CDK12: variants seen among roughly 807,000 people sequenced by gnomAD.
CDK12 encodes the protein cyclin-dependent kinase 12.
CDK12 carries 17 observed loss-of-function variants against 133.8 expected under a neutral mutation model. The ratio of observed to expected loss-of-function variants is 0.13; its 90% CI spans 0.09 to 0.19. CDK12 has a LOEUF of 0.19. CDK12 is among the 10% of genes least tolerant of loss of function. CDK12 has a pLI of 1.00. For synonymous variants in CDK12, 694 were observed against 683.6 expected, an observed-to-expected ratio of 1.02 and a Z score of -0.24; for missense variants, 1,508 against 1,818.7, an observed-to-expected ratio of 0.83 and a Z score of 3.11.
rs776197279 is a variant in CDK12, at chr17:39,531,637, C to G, written c.*321C>G. The G allele has an allele frequency of 1.4e-5, 4 of 279,238 alleles. No individual in the cohort carries two copies. The highest frequency in any genetic ancestry group is 2.7e-5 in the Non-Finnish European group (4 of 149,948). The allele number at this position is 279,238 out of a possible 1,614,324, so 17.3% of individuals were successfully genotyped here. On this transcript the variant is annotated 3_prime_UTR_variant, in exon 14 of 14. Coordinates refer to ENST00000447079, the MANE Select transcript of CDK12 (RefSeq NM_016507.4). ...TAGTTCATTGCCTGCACTTACTGAT[C>G]GGAAGAGAGAAAGAACAGTTTCAGT... is the stretch of plus-strand genomic sequence containing the variant.
At chr17:39,548,154 G>A (rs983427554), upstream of CDK12, among the ~76,000 whole-genome samples, 3 of 152,110 alleles carry the variant, frequency 2.0e-5, no homozygotes, top group African/African-American at 4.8e-5. Context: ...TTGGGGATGA[G>A]GGCACCCTTT....
chr17:39,513,662 C>T (rs72827115), intron 8 of CDK12, among the ~76,000 whole-genome samples: 1 of 152,104 alleles, frequency 6.6e-6, no homozygotes, highest in African/African-American at 2.4e-5. Flanking sequence ...TGTCTTCCCA[C>T]CAAAGGACTG....
At chr17:39,509,476 A>G (rs2053347406) in intron 6 of CDK12, among the ~76,000 whole-genome samples, 1 of 152,192 alleles carries the variant, frequency 6.6e-6, no homozygotes, top group Non-Finnish European at 1.5e-5. Context: ...TAATTGAAGT[A>G]GTCAAAAAAG....
intron 3 of CDK12, among the ~76,000 whole-genome samples, chr17:39,561,837 A>G (rs1223521591): frequency 6.6e-6 from 1 of 152,182 alleles, no homozygotes; most frequent in East Asian, 1.9e-4. Flanking sequence ...CCCATCAGGA[A>G]CAGCATATCT....
intron 1 of CDK12, among the ~76,000 whole-genome samples, chr17:39,466,755 CAT>C (rs1377547155): frequency 3.6e-5 from 5 of 138,552 alleles, no homozygotes; most frequent in African/African-American, 1.1e-4. Context: ...CAAATATAAA[CAT>C]ATAATATTCC....
chr17:39,497,985 T>G (rs1567734535), intron 5 of CDK12, among the ~76,000 whole-genome samples: 1 of 148,646 alleles, frequency 6.7e-6, no homozygotes, highest in African/African-American at 2.5e-5. Context: ...CCCTCTCTCT[T>G]TCTCTCTCTC....
In CDK12 at chr17:39,462,298, T is replaced by A. The variant is rs2049012565; in HGVS notation, c.227T>A (p.Ile76Asn). The A allele has an allele frequency of 1.2e-6, 2 of 1,613,996 alleles. No homozygotes were observed. The highest frequency in any genetic ancestry group is 1.7e-5 in the Admixed American group (1 of 59,980). Residue 76 changes from isoleucine to asparagine, a missense_variant, in exon 1 of 14, where the codon ATC (isoleucine) becomes AAC (asparagine). Ile to Asn is a moderately radical substitution (Grantham distance 149, BLOSUM62 -3). Around this residue, in one of 9 missense-constraint regions of CDK12, gnomAD observed 460 missense variants for 490.8 expected, o/e 0.94. Coordinates refer to ENST00000447079, the MANE Select transcript of CDK12 (RefSeq NM_016507.4). ...VIKPLVEYDD[I>N]SSDSDTFSDD... ...AAACCTTTGGTGGAGTATGATGATA[T>A]CAGCTCTGATTCCGACACCTTCTCC...
At position 39,532,748 on chromosome 17, in the gene CDK12, C is replaced by CA; in HGVS notation, c.*1433dup. 4.3e-6 allele frequency: 1 copy of CA among 232,916 alleles called. No homozygotes were observed. Among genetic ancestry groups the CA allele is most frequent in the Admixed American group, 5.6e-5 (1 of 17,780 alleles). The allele number at this position is 232,916 out of a possible 1,614,324, so 14.4% of individuals were successfully genotyped here. On this transcript the variant is annotated 3_prime_UTR_variant, in exon 14 of 14. Coordinates refer to ENST00000447079, the MANE Select transcript of CDK12 (RefSeq NM_016507.4). ...GGTAAAAGGGGTTAAATTGTGCTTC[C>CA]AGGCAAGAACTTTGCCTTATCATAA...
chr17:39,531,152 T>C lies in CDK12; in HGVS notation c.4309T>C (p.Leu1437=), dbSNP rs1367073885. The C allele has an allele frequency of 6.5e-7, 1 of 1,531,674 alleles. No homozygotes were observed. Among genetic ancestry groups the C allele is most frequent in the Non-Finnish European group, 8.8e-7 (1 of 1,141,006 alleles). 94.9% of individuals were successfully genotyped at this position (1,531,674 alleles called of 1,614,324 possible). Residue 1437 remains leucine, a synonymous_variant, in exon 14 of 14, where the codon TTG becomes CTG. Coordinates refer to ENST00000447079, the MANE Select transcript of CDK12 (RefSeq NM_016507.4). Reference sequence around the variant, plus strand: ...TTCTGTGGTACATGCAGAGACCAAATTGCAAAACTATGGGGAGCTGGGGCC... The same window carrying C: ...TTCTGTGGTACATGCAGAGACCAAACTGCAAAACTATGGGGAGCTGGGGCC... ...SNSVVHAETK[L]QNYGELGPGT...
chr17:39,559,525 C>T (rs940697024), intron 3 of CDK12, among the ~76,000 whole-genome samples: 17 of 152,186 alleles, frequency 1.1e-4, no homozygotes, highest in Non-Finnish European at 2.5e-4. Flanking sequence ...CTTGACACCA[C>T]TAATCTGTCT....
intron 8 of CDK12, among the ~76,000 whole-genome samples, chr17:39,514,528 G>C (rs1462029033): frequency 6.6e-6 from 1 of 151,926 alleles, no homozygotes; most frequent in African/African-American, 2.4e-5. Flanking sequence ...TAATCTTTGA[G>C]ATGTGGTCTT....
At chr17:39,474,593 G>A (rs2050038670) in intron 2 of CDK12, among the ~76,000 whole-genome samples, 1 of 152,066 alleles carries the variant, frequency 6.6e-6, no homozygotes, top group Admixed American at 6.6e-5. Flanking sequence ...GGGATTACAG[G>A]CATGAACCAC....
At chr17:39,521,213 A>C (rs1226359638) in intron 11 of CDK12, among the ~76,000 whole-genome samples, 3 of 151,726 alleles carry the variant, frequency 2.0e-5, no homozygotes, top group African/African-American at 7.3e-5. Flanking sequence ...ACTCCTGCCC[A>C]TCTTGGCCTC....
At chr17:39,470,460 G>A (rs530681522) in intron 1 of CDK12, among the ~76,000 whole-genome samples, 1 of 152,254 alleles carries the variant, frequency 6.6e-6, no homozygotes, top group South Asian at 2.1e-4. Context: ...TTTCTTTAGA[G>A]TAGTTTAAGA....
chr17:39,504,946 G>C (rs914017690), intron 6 of CDK12, among the ~76,000 whole-genome samples: 1 of 148,522 alleles, frequency 6.7e-6, no homozygotes, highest in Admixed American at 6.8e-5. Flanking sequence ...TTGAAGATTT[G>C]GGGGCCAGGC....
At chr17:39,476,653 T>G (rs1292325425) in intron 2 of CDK12, among the ~76,000 whole-genome samples, 1 of 149,230 alleles carries the variant, frequency 6.7e-6, no homozygotes, top group Non-Finnish European at 1.5e-5. Context: ...TCTCAGGTGA[T>G]CTACCTGCCT....
At chr17:39,499,956 A>G (rs991027448) in intron 5 of CDK12, among the ~76,000 whole-genome samples, 1 of 152,228 alleles carries the variant, frequency 6.6e-6, no homozygotes, top group Non-Finnish European at 1.5e-5. Context: ...TTACAAATAC[A>G]ACTTCATTTA....
Position 39,471,198 on chromosome 17 carries a change from T to A in CDK12, c.1366T>A (p.Ser456Thr). 6.3e-7 allele frequency: 1 copy of A among 1,581,786 alleles called. No homozygotes were observed. The highest frequency in any genetic ancestry group is 1.2e-5 in the South Asian group (1 of 85,282). ...ACCCAGAAGTGTAAAATTGGAAAAA[T>A]CTGCCCCAGATACTGAACTGGTGAA... is the stretch of plus-strand genomic sequence containing the variant. ...KLPRSVKLEK[S>T]APDTELVNVT... Residue 456 changes from serine (S) to threonine (T), a missense_variant, in exon 2 of 14, where the codon TCT becomes ACT. Physicochemically the swap from Ser to Thr is moderately conservative, Grantham distance 58. Coordinates refer to ENST00000447079, the MANE Select transcript of CDK12 (RefSeq NM_016507.4).
chr17:39,464,387 AT>A (rs1406247094), intron 1 of CDK12, among the ~76,000 whole-genome samples: 12 of 131,202 alleles, frequency 9.1e-5, no homozygotes, highest in South Asian at 6.0e-4. Flanking sequence ...TGCCTGGCTA[AT>A]TTTTTTTTTC....
Sources: gnomAD v4.1 joint callset for allele counts (sites outside exome capture counted in the v4.1 genomes callset) on GRCh38, gnomAD v4.1.1 for gene constraint, gnomAD v4.1.1 regional missense constraint, MANE v1.5 for transcripts, NCBI Gene and HGNC (gene_info 2026-07-23, HGNC 2026-07-21) for gene names.